The following DCLK3 variants were observed in gnomAD, a reference collection of about 807,000 sequenced individuals.
DCLK3 encodes the protein doublecortin like kinase 3.
In DCLK3, 30 loss-of-function variants were observed where a neutral mutation model predicts 46.4. The ratio of observed to expected loss-of-function variants is 0.65; its 90% CI spans 0.48 to 0.88. The LOEUF (loss-of-function observed/expected upper bound fraction) is 0.88, where lower values mean the gene tolerates loss of function less well. Among genes scored for constraint, DCLK3 ranks in the 40% least tolerant of loss-of-function variants. DCLK3 has a pLI of 0.00. For synonymous variants in DCLK3, 401 were observed against 339.2 expected (o/e 1.18, Z -2.00); for missense variants, 846 against 907.1 (o/e 0.93, Z 0.87).
chr3:36,728,316 T>G (rs1166228181), intron 2 of DCLK3, among the ~76,000 whole-genome samples: 1 of 152,076 alleles, frequency 6.6e-6, no homozygotes, highest in Admixed American at 6.5e-5. Context: ...AGATGACAAC[T>G]TGACTGGATT....
intron 1 of DCLK3, among the ~76,000 whole-genome samples, chr3:36,752,564 CA>C (rs1559394524): frequency 6.6e-6 from 1 of 152,200 alleles, no homozygotes; most frequent in East Asian, 1.9e-4. Context: ...TCATTAAAAA[CA>C]AAAGGCATAT....
At chr3:36,734,577 A>G (rs535677300) in intron 2 of DCLK3, among the ~76,000 whole-genome samples, 1 of 152,314 alleles carries the variant, frequency 6.6e-6, no homozygotes, top group South Asian at 2.1e-4. Context: ...ACACATATAT[A>G]TATGGACTTT....
chr3:36,718,080 G>C lies in DCLK3; in HGVS notation c.2190C>G (p.Asp730Glu), dbSNP rs370718609. Residue 730 changes from aspartate (D) to glutamate (E), a missense_variant, in exon 4 of 5, where the codon GAC (aspartate) becomes GAG (glutamate). Around this residue, in one of 3 missense-constraint regions of DCLK3, gnomAD observed 247 missense variants for 322.8 expected, o/e 0.77. Coordinates refer to ENST00000636136, the MANE Select transcript of DCLK3 (RefSeq NM_001394672.2). ...PPFRSPERDQ[D>E]ELFNIIQLGH... ...CCAGCTGGATGATGTTAAAGAGCTCGTCCTGGTCCCTCTCAGGGCTGCGGA... is the reference window on the plus strand; with the variant it reads ...CCAGCTGGATGATGTTAAAGAGCTCCTCCTGGTCCCTCTCAGGGCTGCGGA... 30 of 1,614,014 alleles carry C rather than the reference G, an allele frequency of 1.9e-5. No individual in the cohort carries two copies. Among genetic ancestry groups the C allele is most frequent in the Middle Eastern group, 1.6e-4 (1 of 6,084 alleles).
At position 36,761,962 on chromosome 3, in the gene DCLK3, G is replaced by A. The variant is rs181194747; in HGVS notation, c.82+2220C>T. On this transcript the variant is annotated intron_variant, in intron 1 of 4. Transcript: ENST00000636136. ...GCCTGAAATATTCAAATATTTAGGGGAAAAAAGGGGAAAATCCCTCTTTGG... is the reference window on the plus strand; with the variant it reads ...GCCTGAAATATTCAAATATTTAGGGAAAAAAAGGGGAAAATCCCTCTTTGG... 5.8e-3 allele frequency among the ~76,000 whole-genome samples: 882 copies of A among 152,230 alleles called. 12 individuals carry two copies. Among genetic ancestry groups the A allele is most frequent in the African/African-American group, 0.02 (844 of 41,546 alleles).
At chr3:36,732,136 A>T (rs1441731444) in intron 2 of DCLK3, among the ~76,000 whole-genome samples, 1 of 152,244 alleles carries the variant, frequency 6.6e-6, no homozygotes, top group Non-Finnish European at 1.5e-5. Flanking sequence ...AAATGAGGTC[A>T]CAGTTTTAGA....
At position 36,717,950 on chromosome 3, in the gene DCLK3, C is replaced by CCTG; in HGVS notation, c.2260+59_2260+60insCAG. ...ACCAGGCACAGTGGTGGGTCCTCTA[C>CCTG]ACATCTGACCTGAAAAACCCATCCG... On this transcript the variant is annotated intron_variant, in intron 4 of 4. Transcript: ENST00000636136. 18 of 1,603,656 alleles carry CCTG rather than the reference C, an allele frequency of 1.1e-5. No homozygotes were observed. In the Middle Eastern group the frequency reaches 8.3e-4, roughly 74 times the overall value.
Position 36,737,623 on chromosome 3 carries a change from C to T in DCLK3, c.1544G>A (p.Gly515Asp), listed in dbSNP as rs1240940774. Residue 515 changes from glycine to aspartate, a missense_variant, in exon 2 of 5, where the codon GGC becomes GAC. Transcript: ENST00000636136. The surrounding 1 kb of genome is among the most constrained non-coding windows in gnomAD (Gnocchi z 4.4). ...CTTTTCCACATTGGCGGCAATGATG[C>T]CCATGGGCCGTGGCTTCCGACCGCT... ...RPSGRKPRPMGIIAANVEKHY... is the reference protein window; with the variant it reads ...RPSGRKPRPMDIIAANVEKHY... 1.9e-6 allele frequency: 3 copies of T among 1,614,102 alleles called. No homozygotes were observed. Among genetic ancestry groups the T allele is most frequent in the Admixed American group, 1.7e-5 (1 of 60,022 alleles).
intron 2 of DCLK3, among the ~76,000 whole-genome samples, chr3:36,725,185 G>A (rs150143770): frequency 2.0e-5 from 3 of 152,028 alleles, no homozygotes; most frequent in African/African-American, 4.8e-5. Context: ...GATGGCGGGC[G>A]CCTGTAGTCC....
At chr3:36,746,099 G>T (rs1178952870) in intron 1 of DCLK3, among the ~76,000 whole-genome samples, 2 of 152,162 alleles carry the variant, frequency 1.3e-5, no homozygotes, top group African/African-American at 4.8e-5. Flanking sequence ...CATTGACTGA[G>T]ACATCAGAAA....
intron 1 of DCLK3, among the ~76,000 whole-genome samples, chr3:36,757,006 A>T (rs1173594167): frequency 1.3e-5 from 2 of 152,046 alleles, no homozygotes; most frequent in Admixed American, 1.3e-4. Flanking sequence ...CTCAAGTGGG[A>T]ACAGGAAAGT....
At chr3:36,730,418 T>C (rs1434326903) in intron 2 of DCLK3, among the ~76,000 whole-genome samples, 2 of 152,208 alleles carry the variant, frequency 1.3e-5, no homozygotes, top group Non-Finnish European at 2.9e-5. Context: ...ACACTTACCA[T>C]CTGCCAGGCA....
At chr3:36,763,528 C>G (rs1324779337) in intron 1 of DCLK3, among the ~76,000 whole-genome samples, 1 of 152,138 alleles carries the variant, frequency 6.6e-6, no homozygotes, top group Non-Finnish European at 1.5e-5. Context: ...AAATGCTCTG[C>G]CTGTATCCTT....
At chr3:36,725,544 G>A (rs1183045466) in intron 2 of DCLK3, among the ~76,000 whole-genome samples, 1 of 152,170 alleles carries the variant, frequency 6.6e-6, no homozygotes, top group African/African-American at 2.4e-5. Context: ...TAGAGCCTGA[G>A]AAGTCGAGGC....
chr3:36,756,836 T>C (rs1257828547), intron 1 of DCLK3, among the ~76,000 whole-genome samples: 6 of 151,842 alleles, frequency 4.0e-5, no homozygotes, highest in African/African-American at 1.5e-4. Context: ...AAGTGGCATG[T>C]GGTGTCTGGG....
chr3:36,742,863 GA>G (rs1701357697), intron 1 of DCLK3, among the ~76,000 whole-genome samples: 1 of 152,148 alleles, frequency 6.6e-6, no homozygotes, highest in South Asian at 2.1e-4. Context: ...CAGTCTCCGG[GA>G]ACGTGCTCAT....
chr3:36,733,391 G>A (rs777606899), intron 2 of DCLK3, among the ~76,000 whole-genome samples: 14 of 152,118 alleles, frequency 9.2e-5, no homozygotes, highest in African/African-American at 1.9e-4. Context: ...TCAAATGACC[G>A]TGCTCAATGT....
intron 1 of DCLK3, among the ~76,000 whole-genome samples, chr3:36,753,968 C>T (rs1464594235): frequency 1.3e-5 from 2 of 152,176 alleles, no homozygotes; most frequent in South Asian, 2.1e-4. Context: ...GTGTGAGTCA[C>T]GATGCCCAGC....
intron 4 of DCLK3, 152 bp from the exon 5 acceptor site, chr3:36,715,673 A>G: frequency 1.5e-6 from 1 of 686,678 alleles, no homozygotes; most frequent in Non-Finnish European, 2.2e-6. Flanking sequence ...GTCCAATAGA[A>G]GACAGGAACA....
intron 1 of DCLK3, among the ~76,000 whole-genome samples, chr3:36,763,558 T>C (rs1701557369): frequency 6.6e-6 from 1 of 152,240 alleles, no homozygotes; most frequent in Non-Finnish European, 1.5e-5. Flanking sequence ...CATCTTTGGT[T>C]CTTCTGTGTT....
Sources: allele counts gnomAD v4.1 joint callset (sites outside exome capture counted in the v4.1 genomes callset), GRCh38; gene constraint gnomAD v4.1.1; regional missense constraint gnomAD v4.1.1; non-coding constraint Gnocchi (gnomAD v3.1); transcripts MANE v1.5; gene names NCBI Gene and HGNC (gene_info 2026-07-23, HGNC 2026-07-21).